Variants in DYM observed in about 807,000 individuals in gnomAD.
DYM encodes the protein dymeclin, also known as dyggve-Melchior-Clausen syndrome protein.
A neutral mutation model predicts 93.1 loss-of-function variants in DYM; 78 were observed. The ratio of observed to expected loss-of-function variants is 0.84; its 90% CI spans 0.70 to 1.01. DYM has a LOEUF of 1.01. Ranked by LOEUF, DYM falls within the 50% of genes least tolerant of loss-of-function variation. The pLI is 0.00. For missense variants in DYM, 789 were observed against 845.0 expected, an observed-to-expected ratio of 0.93 and a Z score of 0.82; for synonymous variants, 321 against 319.7, an observed-to-expected ratio of 1.00 and a Z score of -0.04.
chr18:49,420,302 G>A (rs1409771923), intron 2 of DYM, among the ~76,000 whole-genome samples: 1 of 151,830 alleles, frequency 6.6e-6, no homozygotes. Context: ...CGAGTAGCTG[G>A]GATTACAGGC....
At chr18:49,264,207 A>T (rs2094535098) in intron 11 of DYM, among the ~76,000 whole-genome samples, 1 of 151,190 alleles carries the variant, frequency 6.6e-6, no homozygotes, top group South Asian at 2.1e-4. Flanking sequence ...CCATTAATGG[A>T]GCTGTATTCA....
intron 16 of DYM, chr18:49,114,735 C>T (rs1007593411): frequency 9.6e-6 from 2 of 208,238 alleles, no homozygotes; most frequent in Non-Finnish European, 1.7e-5. Context: ...ATTCTCCTGA[C>T]TCAGTCTCCT....
intron 2 of DYM, among the ~76,000 whole-genome samples, chr18:49,405,770 T>C (rs944826700): frequency 1.3e-5 from 2 of 152,198 alleles, no homozygotes; most frequent in African/African-American, 2.4e-5. Context: ...AAAAATGACA[T>C]GGTAGTTTCA....
At chr18:49,240,548 T>C (rs550204899) in intron 13 of DYM, among the ~76,000 whole-genome samples, 1 of 152,308 alleles carries the variant, frequency 6.6e-6, no homozygotes, top group East Asian at 1.9e-4. Flanking sequence ...TTTACTAACA[T>C]CATTGATGTT....
intron 16 of DYM, among the ~76,000 whole-genome samples, chr18:49,107,060 G>A (rs1205139747): frequency 2.0e-5 from 3 of 152,060 alleles, no homozygotes; most frequent in Non-Finnish European, 2.9e-5. Context: ...ACGTAGATTC[G>A]GTCTTTTCAC....
chr18:49,170,071 A>T (rs1014164583), intron 14 of DYM, among the ~76,000 whole-genome samples: 8 of 152,152 alleles, frequency 5.3e-5, no homozygotes, highest in Non-Finnish European at 8.8e-5. Flanking sequence ...GAGAGCGCTC[A>T]GGAAGAAAAA....
At chr18:49,289,751 A>ACG (rs1378423684) in intron 8 of DYM, among the ~76,000 whole-genome samples, 635 of 43,290 alleles carry the variant, frequency 0.015, 14 homozygotes, top group African/African-American at 0.055. Flanking sequence ...ATATATATAT[A>ACG]TATATATATA....
chr18:49,219,187 C>T (rs1174268789), intron 13 of DYM, among the ~76,000 whole-genome samples: 11 of 151,968 alleles, frequency 7.2e-5, no homozygotes, highest in African/African-American at 9.7e-5. Context: ...ACACATACAC[C>T]CTCCCAAGAC....
intron 17 of DYM, among the ~76,000 whole-genome samples, chr18:49,084,221 G>A (rs1166951793): frequency 6.6e-6 from 1 of 152,040 alleles, no homozygotes; most frequent in Non-Finnish European, 1.5e-5. Context: ...TTTTCCTTAT[G>A]ACCTATTAAA....
chr18:49,335,395 G>A (rs1310759729), intron 6 of DYM, among the ~76,000 whole-genome samples: 5 of 152,184 alleles, frequency 3.3e-5, no homozygotes, highest in Non-Finnish European at 5.9e-5. Context: ...GGTGGAGGTT[G>A]CAGTGAGCTG....
chr18:49,331,905 T>A lies in DYM; in HGVS notation c.722A>T (p.Asp241Val), dbSNP rs752583630. The change falls in exon 8 of 18, where the codon GAT (aspartate) becomes GTT (valine). Residue 241 changes from aspartate (D) to valine (V), a missense_variant. Transcript: ENST00000675505. ...AAGTCCATAAAGCAGTCCTCCCCCA[T>A]CCGACTGCTGAGGGAAAACATGGGC... ...PGAHVFPQQS[D>V]GGGLLYGLAS... 2 of 1,614,086 alleles carry A rather than the reference T, an allele frequency of 1.2e-6. No individual in the cohort carries two copies. Among genetic ancestry groups the A allele is most frequent in the East Asian group, 2.2e-5 (1 of 44,878 alleles).
chr18:49,097,221 G>A, intron 17 of DYM, 181 bp downstream of exon 17: 1 of 643,178 alleles, frequency 1.6e-6, no homozygotes, highest in South Asian at 1.8e-5. Flanking sequence ...GATATGCAGT[G>A]GCATGAAAGT....
At chr18:49,197,786 A>G (rs573274532) in intron 14 of DYM, among the ~76,000 whole-genome samples, 1 of 152,284 alleles carries the variant, frequency 6.6e-6, no homozygotes, top group East Asian at 1.9e-4. Context: ...AATCAATATC[A>G]TGAAACTGGC....
intron 17 of DYM, among the ~76,000 whole-genome samples, chr18:49,086,410 G>A (rs2078530630): frequency 6.6e-6 from 1 of 152,140 alleles, no homozygotes; most frequent in South Asian, 2.1e-4. Flanking sequence ...CTCCATGAAT[G>A]GATTAATCTA....
intron 10 of DYM, among the ~76,000 whole-genome samples, chr18:49,280,461 T>C (rs1450716624): frequency 1.3e-5 from 2 of 152,042 alleles, no homozygotes; most frequent in Admixed American, 1.3e-4. Flanking sequence ...CTGTGACGAG[T>C]AACATGAACT....
At chr18:49,082,126 T>G (rs1347868117) in intron 17 of DYM, among the ~76,000 whole-genome samples, 1 of 152,232 alleles carries the variant, frequency 6.6e-6, no homozygotes, top group Non-Finnish European at 1.5e-5. Flanking sequence ...TTTCCCAGTT[T>G]CTCTTCTGTG....
At chr18:49,258,315 G>A (rs1031836789) in intron 12 of DYM, 65 bp downstream of exon 12, 26 of 1,157,542 alleles carry the variant, frequency 2.2e-5, no homozygotes, top group Non-Finnish European at 3.3e-5. Flanking sequence ...AATTGGGATT[G>A]CTTTAAACTA....
chr18:49,142,104 G>T (rs928771685), intron 15 of DYM, among the ~76,000 whole-genome samples: 2 of 151,006 alleles, frequency 1.3e-5, no homozygotes, highest in African/African-American at 4.9e-5. Context: ...CTTGTGATCC[G>T]CCCACCTCGG....
At chr18:49,066,528 G>A (rs2076399098) in intron 17 of DYM, among the ~76,000 whole-genome samples, 2 of 152,182 alleles carry the variant, frequency 1.3e-5, no homozygotes, top group South Asian at 2.1e-4. Flanking sequence ...TGGACACTGG[G>A]TTGTTTCCAG....
Sources: allele counts gnomAD v4.1 joint callset (sites outside exome capture counted in the v4.1 genomes callset), GRCh38; gene constraint gnomAD v4.1.1; transcripts MANE v1.5; gene names NCBI Gene and HGNC (gene_info 2026-07-23, HGNC 2026-07-21).